The following SORCS2 variants were observed in gnomAD, a reference collection of about 807,000 sequenced individuals.
The protein encoded by SORCS2 is VPS10 domain-containing receptor SorCS2.
A neutral mutation model predicts 141.6 loss-of-function variants in SORCS2; 100 were observed. That is an observed-to-expected ratio of 0.71 (90% CI 0.60 to 0.83). The LOEUF (loss-of-function observed/expected upper bound fraction) is 0.83. Ranked by LOEUF, SORCS2 falls within the 40% of genes least tolerant of loss-of-function variation. The pLI, the probability that SORCS2 is intolerant of heterozygous loss-of-function variation, is 0.00. For missense variants in SORCS2, 1,646 were observed against 1,560.2 expected (o/e 1.05, Z -0.93); for synonymous variants, 789 against 676.9 (o/e 1.17, Z -2.57).
chr4:7,530,744 G>C (rs1259013625), intron 2 of SORCS2, among the ~76,000 whole-genome samples: 3 of 152,236 alleles, frequency 2.0e-5, no homozygotes, highest in African/African-American at 7.2e-5. Context: ...CAGATATGAA[G>C]TTGCCTTTGT....
chr4:7,284,121 C>G (rs3913448), intron 1 of SORCS2, among the ~76,000 whole-genome samples: 152,297 of 152,298 alleles, frequency 1, 76,148 homozygotes, highest in Non-Finnish European at 1. Flanking sequence ...CCTGTGAACA[C>G]CCACAGAGAA....
Position 7,563,554 on chromosome 4 carries a change from A to G in SORCS2, c.648+31925A>G, listed in dbSNP as rs143104720. ...GTCATGGCTGAATGAGAGGAGTGCCATCTCAGAACTCTGGGGTTTGGAGGG... is the reference window on the plus strand; with the variant it reads ...GTCATGGCTGAATGAGAGGAGTGCCGTCTCAGAACTCTGGGGTTTGGAGGG... On this transcript the variant is annotated intron_variant, in intron 3 of 26. Transcript: ENST00000507866. Among the ~76,000 whole-genome samples, 12 of 152,238 alleles carry G rather than the reference A, an allele frequency of 7.9e-5. No individual in the cohort carries two copies. In the East Asian group the frequency reaches 2.1e-3, roughly 27 times the overall value.
intron 11 of SORCS2, among the ~76,000 whole-genome samples, chr4:7,692,202 C>T (rs935177727): frequency 6.6e-5 from 10 of 152,176 alleles, no homozygotes; most frequent in South Asian, 4.1e-4. Flanking sequence ...TCTGCTGGCC[C>T]GACATGGCTG....
At chr4:7,733,206 C>A in intron 23 of SORCS2, 116 bp from the exon 24 acceptor site, 1 of 530,950 alleles carries the variant, frequency 1.9e-6, no homozygotes, top group East Asian at 3.8e-5. Context: ...GGTAGAAGAC[C>A]CCCCCAACAC....
At chr4:7,671,260 G>A (rs1222918560) in intron 8 of SORCS2, among the ~76,000 whole-genome samples, 1 of 151,920 alleles carries the variant, frequency 6.6e-6, no homozygotes, top group Non-Finnish European at 1.5e-5. Flanking sequence ...AATCTAACTG[G>A]ACATTAGACT....
Position 7,421,925 on chromosome 4 carries a change from G to T in SORCS2, c.548+25570G>T, listed in dbSNP as rs1450989736. ...AGGGCAGGGGCTGGGGCGGGGCTGG[G>T]CATCACGCTCCCTCCCCCATGGTCG... On this transcript the variant is annotated intron_variant, in intron 2 of 26. Coordinates refer to ENST00000507866, the MANE Select transcript of SORCS2 (RefSeq NM_020777.3). 2.0e-5 allele frequency among the ~76,000 whole-genome samples: 3 copies of T among 146,916 alleles called. No homozygotes were observed. The East Asian group carries it at 6.8e-4, about 33-fold the overall frequency.
intron 3 of SORCS2, among the ~76,000 whole-genome samples, chr4:7,610,110 A>G (rs1365245573): frequency 6.6e-6 from 1 of 152,162 alleles, no homozygotes; most frequent in Non-Finnish European, 1.5e-5. Flanking sequence ...CGCGCTGAGT[A>G]AAGTTCACAA....
intron 2 of SORCS2, among the ~76,000 whole-genome samples, chr4:7,447,481 G>A (rs959174090): frequency 6.6e-6 from 1 of 152,240 alleles, no homozygotes; most frequent in South Asian, 2.1e-4. Flanking sequence ...GGGTTGACCT[G>A]AATTTACACT....
intron 1 of SORCS2, among the ~76,000 whole-genome samples, chr4:7,353,459 G>T (rs1721074051): frequency 6.6e-6 from 1 of 152,230 alleles, no homozygotes; most frequent in Non-Finnish European, 1.5e-5. Flanking sequence ...GCGGGTTCCT[G>T]TGTGAAGGGT....
rs778062284 is a variant in SORCS2 at position 7,717,994 on chromosome 4, C to T, written c.2253-18C>T. On this transcript the variant is annotated intron_variant, in intron 17 of 26. Transcript: ENST00000507866. Reference sequence around the variant, plus strand: ...CCACCTGTCTGAAGCGGACCCTGACCCTCTCTTGTCAATCCAGGTACCGGA... The same window carrying T: ...CCACCTGTCTGAAGCGGACCCTGACTCTCTCTTGTCAATCCAGGTACCGGA... 1.9e-6 allele frequency: 3 copies of T among 1,586,810 alleles called. No homozygotes were observed. The highest frequency in any genetic ancestry group is 2.6e-6 in the Non-Finnish European group (3 of 1,165,542).
Position 7,725,191 on chromosome 4 carries a change from C to G in SORCS2, c.2649C>G (p.Val883=), listed in dbSNP as rs1352031492. The G allele has an allele frequency of 1.2e-6, 2 of 1,613,572 alleles. No individual in the cohort carries two copies. Among genetic ancestry groups the G allele is most frequent in the South Asian group, 2.2e-5 (2 of 91,086 alleles). The change falls in exon 20 of 27, where the codon GTC becomes GTG. Residue 883 remains valine, a synonymous_variant. Transcript: ENST00000507866. ...CCCTCTACCTGGAGGTGGTTCCTGTCATTGGCCTCAACCAGGAGGTGAACC... is the reference window on the plus strand; with the variant it reads ...CCCTCTACCTGGAGGTGGTTCCTGTGATTGGCCTCAACCAGGAGGTGAACC... ...LQALYLEVVP[V]IGLNQEVNLT... is the part of the protein sequence containing the mutation.
chr4:7,433,073 C>T (rs2109231803), intron 2 of SORCS2: 2 of 360,962 alleles, frequency 5.5e-6, no homozygotes, highest in South Asian at 2.9e-4. Flanking sequence ...TTGGCTGGGT[C>T]AGGGAGCGGG....
chr4:7,616,709 A>T (rs1472636024), intron 3 of SORCS2, among the ~76,000 whole-genome samples: 1 of 152,268 alleles, frequency 6.6e-6, no homozygotes, highest in Non-Finnish European at 1.5e-5. Context: ...TAGAAATCAC[A>T]AAACAGAACA....
chr4:7,459,410 C>T (rs1273482602), intron 2 of SORCS2, among the ~76,000 whole-genome samples: 1 of 152,150 alleles, frequency 6.6e-6, no homozygotes, highest in African/African-American at 2.4e-5. Flanking sequence ...AGCCCAGCTG[C>T]TGAGTTTGAG....
At chr4:7,296,655 A>G (rs774196347) in intron 1 of SORCS2, among the ~76,000 whole-genome samples, 10 of 152,204 alleles carry the variant, frequency 6.6e-5, no homozygotes, top group African/African-American at 1.2e-4. Flanking sequence ...CCTCTCCATC[A>G]TTTGGGAATC....
chr4:7,324,040 G>A (rs1719077368), intron 1 of SORCS2, among the ~76,000 whole-genome samples: 1 of 152,188 alleles, frequency 6.6e-6, no homozygotes, highest in African/African-American at 2.4e-5. Context: ...TCTCTCACAG[G>A]GATCTCCTGT....
chr4:7,665,274 G>A (rs1049920825), intron 7 of SORCS2, among the ~76,000 whole-genome samples: 1 of 152,220 alleles, frequency 6.6e-6, no homozygotes, highest in African/African-American at 2.4e-5. Context: ...TGTGCCAAGG[G>A]CCACCAAGGA....
chr4:7,633,518 A>C (rs1196050733), intron 3 of SORCS2, among the ~76,000 whole-genome samples: 1 of 152,132 alleles, frequency 6.6e-6, no homozygotes, highest in African/African-American at 2.4e-5. Context: ...TCTGTGCTCC[A>C]GCGGAGCCCT....
chr4:7,370,523 A>T (rs1722182983), intron 1 of SORCS2, among the ~76,000 whole-genome samples: 1 of 152,254 alleles, frequency 6.6e-6, no homozygotes, highest in South Asian at 2.1e-4. Flanking sequence ...TTTATTTAAA[A>T]ATAAGGTCCT....
Sources: allele counts gnomAD v4.1 joint callset (sites outside exome capture counted in the v4.1 genomes callset), GRCh38; gene constraint gnomAD v4.1.1; transcripts MANE v1.5; gene names NCBI Gene and HGNC (gene_info 2026-07-23, HGNC 2026-07-21).